The following PRDM2 variants were observed in gnomAD, a reference collection of about 807,000 sequenced individuals.
The protein encoded by PRDM2 is PR domain zinc finger protein 2.
A neutral mutation model predicts 130.0 loss-of-function variants in PRDM2; 30 were observed. That is an observed-to-expected ratio of 0.23 (90% confidence interval 0.17 to 0.31). The LOEUF is 0.31. Ranked by LOEUF, PRDM2 falls within the 10% of genes least tolerant of loss-of-function variation. The pLI is 1.00. For synonymous variants in PRDM2, 871 were observed against 782.4 expected, an observed-to-expected ratio of 1.11 and a Z score of -1.89; for missense variants, 2,011 against 2,108.4, an observed-to-expected ratio of 0.95 and a Z score of 0.90.
intron 5 of PRDM2, among the ~76,000 whole-genome samples, chr1:13,744,156 TTCA>T (rs1643533773): frequency 6.6e-6 from 1 of 152,208 alleles, no homozygotes; most frequent in South Asian, 2.1e-4. Flanking sequence ...TTAAAATGTG[TTCA>T]TCTCTGATGC....
At position 13,816,519 on chromosome 1, in the gene PRDM2, A is replaced by G. The variant is rs766328981; in HGVS notation, c.5129A>G (p.Gln1710Arg). ...YRKVKAPAAA[Q>R]FQGPFFKE is the part of the protein sequence containing the mutation. ...AAGGTCAAAGCTCCAGCTGCAGCCCAGTTCCAGGGACCATTCTTCAAAGAG... is the reference window on the plus strand; with the variant it reads ...AAGGTCAAAGCTCCAGCTGCAGCCCGGTTCCAGGGACCATTCTTCAAAGAG... The change falls in exon 9 of 10, where the codon CAG becomes CGG. Residue 1710 changes from glutamine to arginine, a missense_variant. Gln to Arg is a conservative substitution (Grantham distance 43). Around this residue, in one of 5 missense-constraint regions of PRDM2, gnomAD observed 410 missense variants for 395.9 expected, o/e 1.04. Transcript: ENST00000311066. 1.2e-6 allele frequency: 2 copies of G among 1,614,176 alleles called. No homozygotes were observed. Among genetic ancestry groups the G allele is most frequent in the South Asian group, 2.2e-5 (2 of 91,090 alleles).
intron 6 of PRDM2, among the ~76,000 whole-genome samples, chr1:13,769,947 G>A (rs1644320393): frequency 6.6e-6 from 1 of 152,126 alleles, no homozygotes; most frequent in South Asian, 2.1e-4. Context: ...GGTGCCACTA[G>A]CATCTAGTAA....
At chr1:13,787,085 A>G in intron 8 of PRDM2, 1 of 985,514 alleles carries the variant, frequency 1.0e-6, no homozygotes, top group South Asian at 4.7e-5. Flanking sequence ...TTAAATCACA[A>G]GTAGATTGCC....
At chr1:13,715,999 C>T (rs1219649473) in intron 2 of PRDM2, among the ~76,000 whole-genome samples, 3 of 152,092 alleles carry the variant, frequency 2.0e-5, no homozygotes, top group Admixed American at 6.5e-5. Flanking sequence ...CACATGCACA[C>T]GTATGTTTAT....
rs763112572 is a variant in PRDM2 at position 13,780,458 on chromosome 1, T to C, written c.2663T>C (p.Leu888Pro). ...AAAAGGAAACCAACCACCTGCATGC[T>C]GCAGAAGGTTCTTCTCAATGAATAT... The part of the protein sequence containing the change: ...VKKRKPTTCM[L>P]QKVLLNEYNG... The change falls in exon 8 of 10, where the codon CTG (leucine) becomes CCG (proline). Residue 888 changes from leucine to proline, a missense_variant. Physicochemically the swap from Leu to Pro is moderately conservative, Grantham distance 98. Coordinates refer to ENST00000311066, the MANE Select transcript of PRDM2 (RefSeq NM_001393986.1). 3 of 1,614,210 alleles carry C rather than the reference T, an allele frequency of 1.9e-6. No homozygotes were observed. Among genetic ancestry groups the C allele is most frequent in the Non-Finnish European group, 2.5e-6 (3 of 1,180,036 alleles).
intron 4 of PRDM2, among the ~76,000 whole-genome samples, chr1:13,740,550 AGTTAACTAGGATG>A (rs1643407469): frequency 6.6e-6 from 1 of 152,210 alleles, no homozygotes; most frequent in African/African-American, 2.4e-5. Context: ...TTGGTAGTTC[AGTTAACTAGGATG>A]GTCAAGGAAG....
intron 8 of PRDM2, among the ~76,000 whole-genome samples, chr1:13,790,861 CTGAG>C (rs1248374802): frequency 6.6e-6 from 1 of 152,072 alleles, no homozygotes; most frequent in Non-Finnish European, 1.5e-5. Context: ...GCCGCTTCCT[CTGAG>C]TGGTGGTGGA....
chr1:13,730,759 G>A lies in PRDM2; in HGVS notation c.10-241G>A, dbSNP rs564054186. Among the ~76,000 whole-genome samples, 198 of 152,270 alleles carry A rather than the reference G, an allele frequency of 1.3e-3. 1 individual carries two copies. The highest frequency in any genetic ancestry group is 4.0e-3 in the African/African-American group (167 of 41,566). On this transcript the variant is annotated intron_variant, in intron 2 of 9. Coordinates refer to ENST00000311066, the MANE Select transcript of PRDM2 (RefSeq NM_001393986.1). ...TCATATTTTGGAAATGGCCACAGGTGGCTGGAACAAAATAGAGTAACACAG... is the reference window on the plus strand; with the variant it reads ...TCATATTTTGGAAATGGCCACAGGTAGCTGGAACAAAATAGAGTAACACAG...
intron 2 of PRDM2, among the ~76,000 whole-genome samples, chr1:13,720,285 A>G (rs1000986106): frequency 1.3e-5 from 2 of 152,196 alleles, no homozygotes; most frequent in South Asian, 2.1e-4. Context: ...GCCAATGCCA[A>G]TGTTATGCTG....
intron 8 of PRDM2, chr1:13,788,046 A>G (rs1266556688): frequency 1.0e-6 from 1 of 979,580 alleles, no homozygotes; most frequent in Non-Finnish European, 1.2e-6. Context: ...AATGCATTTT[A>G]TATTATTGTA....
At chr1:13,759,353 C>T (rs2100578305) in intron 6 of PRDM2, among the ~76,000 whole-genome samples, 1 of 152,252 alleles carries the variant, frequency 6.6e-6, no homozygotes, top group South Asian at 2.1e-4. Context: ...TTTGAAGTTG[C>T]AATGCCGTTT....
At position 13,808,719 on chromosome 1, in the gene PRDM2, A is replaced by G. The variant is rs563855498; in HGVS notation, c.5037-7708A>G. Among the ~76,000 whole-genome samples the G allele has an allele frequency of 2.3e-3, 356 of 152,194 alleles. 1 individual carries two copies. Among genetic ancestry groups the G allele is most frequent in the Non-Finnish European group, 4.1e-3 (277 of 68,004 alleles). On this transcript the variant is annotated intron_variant, in intron 8 of 9. Transcript: ENST00000311066. The stretch of plus-strand genomic sequence containing the variant: ...CTTACATGTTGAGGGTCTATTATTC[A>G]CTCACGCACAGTTAGGTACTAAGAA...
chr1:13,764,059 A>G (rs1272190860), intron 6 of PRDM2, among the ~76,000 whole-genome samples: 6 of 152,234 alleles, frequency 3.9e-5, no homozygotes, highest in Non-Finnish European at 8.8e-5. Flanking sequence ...TGTTGTAGTT[A>G]ATTCATCAGG....
intron 4 of PRDM2, among the ~76,000 whole-genome samples, chr1:13,738,240 AC>A (rs749803715): frequency 6.6e-6 from 1 of 152,156 alleles, no homozygotes; most frequent in African/African-American, 2.4e-5. Context: ...AGAGACTCTT[AC>A]ACTTTTTTTG....
rs771305927 is a variant in PRDM2 at position 13,742,070 on chromosome 1, G to A, written c.297G>A (p.Leu99=). The A allele has an allele frequency of 1.9e-6, 3 of 1,606,118 alleles. No homozygotes were observed. The highest frequency in any genetic ancestry group is 1.1e-5 in the South Asian group (1 of 90,906). ...CTGATCCAGAGAAGGGAAACTGGCTGCGATATGTGAATTGGGCTTGCTCAG... is the reference window on the plus strand; with the variant it reads ...CTGATCCAGAGAAGGGAAACTGGCTACGATATGTGAATTGGGCTTGCTCAG... ...DATDPEKGNW[L]RYVNWACSGE... Residue 99 remains leucine (L), a synonymous_variant, in exon 5 of 10, where the codon CTG becomes CTA. Transcript: ENST00000311066.
At chr1:13,749,644 T>A (rs1351380765) in intron 6 of PRDM2, among the ~76,000 whole-genome samples, 157 bp downstream of exon 6, 2 of 147,280 alleles carry the variant, frequency 1.4e-5, no homozygotes, top group East Asian at 4.1e-4. Flanking sequence ...GACTCGGCCC[T>A]GCCCCGGCCC....
At chr1:13,729,247 T>C (rs1643023796) in intron 2 of PRDM2, among the ~76,000 whole-genome samples, 1 of 152,220 alleles carries the variant, frequency 6.6e-6, no homozygotes, top group Admixed American at 6.5e-5. Context: ...TGAAAGTGCC[T>C]GGAAGTATCC....
chr1:13,764,169 G>T (rs531255381), intron 6 of PRDM2, among the ~76,000 whole-genome samples: 1 of 152,134 alleles, frequency 6.6e-6, no homozygotes, highest in Non-Finnish European at 1.5e-5. Flanking sequence ...TGTCTCTTCT[G>T]TTTTCAGGGT....
At chr1:13,792,862 T>C (rs549416598) in intron 8 of PRDM2, among the ~76,000 whole-genome samples, 1 of 152,358 alleles carries the variant, frequency 6.6e-6, no homozygotes, top group South Asian at 2.1e-4. Flanking sequence ...TATTCTCATT[T>C]ACAGATAGAT....
Sources: allele counts gnomAD v4.1 joint callset (sites outside exome capture counted in the v4.1 genomes callset), GRCh38; gene constraint gnomAD v4.1.1; regional missense constraint gnomAD v4.1.1; transcripts MANE v1.5; gene names NCBI Gene and HGNC (gene_info 2026-07-23, HGNC 2026-07-21).